Variants in FUBP1 observed in about 807,000 individuals in gnomAD.
The protein encoded by FUBP1 is far upstream element binding protein 1.
Under a neutral mutation model 94.9 loss-of-function variants are expected in FUBP1, and 16 were observed. The ratio of observed to expected loss-of-function variants is 0.17; its 90% CI spans 0.11 to 0.26. The LOEUF (loss-of-function observed/expected upper bound fraction) is 0.26. Ranked by LOEUF, FUBP1 falls within the 10% of genes least tolerant of loss-of-function variation. FUBP1 has a pLI of 1.00. For missense variants in FUBP1, 583 were observed against 808.6 expected, an observed-to-expected ratio of 0.72 and a Z score of 3.38; for synonymous variants, 279 against 254.9, an observed-to-expected ratio of 1.09 and a Z score of -0.90.
intron 10 of FUBP1, 58 bp from the exon 11 acceptor site, chr1:77,964,414 A>G: frequency 9.1e-7 from 1 of 1,102,772 alleles, no homozygotes; most frequent in Non-Finnish European, 1.3e-6. Flanking sequence ...TAAAGTAAAA[A>G]AAAGTATTTT....
chr1:77,946,759 A>G lies in FUBP1; in HGVS notation c.*2007T>C, dbSNP rs748757095. On this transcript the variant is annotated 3_prime_UTR_variant, in exon 20 of 20. Transcript: ENST00000370768. ...CATCTATAAAACAGTATCATGCAAA[A>G]TACTGCAATTGTTCACGTCAATACC... The G allele has an allele frequency of 7.7e-5, 16 of 207,366 alleles. No homozygotes were observed. The highest frequency in any genetic ancestry group is 3.7e-4 in the South Asian group (2 of 5,336). The allele number at this position is 207,366 out of a possible 1,614,324, so 12.8% of individuals were successfully genotyped here.
rs1295064610 is a variant in FUBP1, at chr1:77,950,828, C to T, written c.1781-1528G>A. Among the ~76,000 whole-genome samples, 4 of 152,104 alleles carry T rather than the reference C, an allele frequency of 2.6e-5. No individual in the cohort carries two copies. The East Asian group carries it at 5.8e-4, about 22-fold the overall frequency. ...TTCATAGTTTCAGAAAGCAGTCTATCACCATTGTAAAACAGGTCACAGACT... is the reference window on the plus strand; with the variant it reads ...TTCATAGTTTCAGAAAGCAGTCTATTACCATTGTAAAACAGGTCACAGACT... On this transcript the variant is annotated intron_variant, in intron 18 of 19. Coordinates refer to ENST00000370768, the MANE Select transcript of FUBP1 (RefSeq NM_003902.5).
chr1:77,974,134 G>GTTTT (rs34146250), intron 1 of FUBP1, among the ~76,000 whole-genome samples: 3 of 122,198 alleles, frequency 2.5e-5, no homozygotes, highest in Non-Finnish European at 3.5e-5. Context: ...TAATTTTTTG[G>GTTTT]TTTTTTTTTT....
Position 77,946,322 on chromosome 1 carries a change from A to G in FUBP1, c.*2444T>C, listed in dbSNP as rs1353326099. 6.6e-6 allele frequency among the ~76,000 whole-genome samples: 1 copy of G among 151,844 alleles called. No individual in the cohort carries two copies. Among genetic ancestry groups the G allele is most frequent in the Non-Finnish European group, 1.5e-5 (1 of 67,892 alleles). On this transcript the variant is annotated 3_prime_UTR_variant, in exon 20 of 20. Coordinates refer to ENST00000370768, the MANE Select transcript of FUBP1 (RefSeq NM_003902.5). ...ATTTTCTTGTCTTAATAAAAAAAAA[A>G]AAGTAAAATAAAAAACATTACCCAG...
At chr1:77,949,016 C>A (rs992140461) in intron 19 of FUBP1, 139 bp downstream of exon 19, 1 of 944,188 alleles carries the variant, frequency 1.1e-6, no homozygotes, top group Non-Finnish European at 1.6e-6. Flanking sequence ...CCAAACAATA[C>A]ACCGTAGTAC....
At chr1:77,968,654 A>C (rs998312033) in intron 2 of FUBP1, among the ~76,000 whole-genome samples, 9 of 151,810 alleles carry the variant, frequency 5.9e-5, no homozygotes, top group Admixed American at 2.0e-4. Flanking sequence ...AAAAAAAAAA[A>C]ACAAAAAAAC....
chr1:77,972,535 G>C (rs1019493967), intron 1 of FUBP1, among the ~76,000 whole-genome samples: 1 of 149,570 alleles, frequency 6.7e-6, no homozygotes, highest in African/African-American at 2.5e-5. Flanking sequence ...GGGATCATGA[G>C]TTCAGGAGTT....
chr1:77,973,997 A>T (rs1658101060), intron 1 of FUBP1, among the ~76,000 whole-genome samples: 1 of 152,128 alleles, frequency 6.6e-6, no homozygotes, highest in Non-Finnish European at 1.5e-5. Flanking sequence ...ATCATGGCTC[A>T]CTTATGCAAC....
At position 77,967,088 on chromosome 1, in the gene FUBP1, T is replaced by C. The variant is rs1656649941; in HGVS notation, c.304A>G (p.Thr102Ala). The C allele has an allele frequency of 6.4e-7, 1 of 1,571,992 alleles. No homozygotes were observed. The highest frequency in any genetic ancestry group is 1.1e-5 in the South Asian group (1 of 87,130). ...MHQQQSRSVM[T>A]EEYKVPDGMV... ...CCATCTGGAACTTTGTATTCTTCTG[T>C]CATTACAGATCTGCTAAGAAATAAC... Residue 102 changes from threonine (T) to alanine (A), a missense_variant, in exon 5 of 20, where the codon ACA (threonine) becomes GCA (alanine). Coordinates refer to ENST00000370768, the MANE Select transcript of FUBP1 (RefSeq NM_003902.5).
In FUBP1 at chr1:77,964,078, A is replaced by T. The variant is rs772450242; in HGVS notation, c.1025T>A (p.Leu342His). The T allele has an allele frequency of 1.3e-6, 2 of 1,570,474 alleles. No homozygotes were observed. Among genetic ancestry groups the T allele is most frequent in the South Asian group, 1.1e-5 (1 of 90,182 alleles). ...CQHAAEIITD[L>H]LRSVQAGNPG... Reference sequence around the variant, plus strand: ...CTATCAAACCTGAACACTTCGAAGAAGGTCTGTAATAATTTCTGCAGCATG... The same window carrying T: ...CTATCAAACCTGAACACTTCGAAGATGGTCTGTAATAATTTCTGCAGCATG... Residue 342 changes from leucine to histidine, a missense_variant, in exon 12 of 20, where the codon CTT (leucine) becomes CAT (histidine). Transcript: ENST00000370768.
At chr1:77,972,452 A>G (rs1657739665) in intron 1 of FUBP1, among the ~76,000 whole-genome samples, 2 of 152,036 alleles carry the variant, frequency 1.3e-5, no homozygotes, top group Non-Finnish European at 2.9e-5. Context: ...CCAAATGAAA[A>G]TGAAAGCTGA....
intron 1 of FUBP1, among the ~76,000 whole-genome samples, chr1:77,975,305 A>T (rs1370176038): frequency 6.6e-6 from 1 of 152,220 alleles, no homozygotes; most frequent in Non-Finnish European, 1.5e-5. Context: ...GACACTAGAA[A>T]TATTACCATA....
chr1:77,968,400 A>C (rs1656909795), intron 2 of FUBP1, among the ~76,000 whole-genome samples, 197 bp from the exon 3 acceptor site: 1 of 152,122 alleles, frequency 6.6e-6, no homozygotes, highest in African/African-American at 2.4e-5. Flanking sequence ...TTCACGTTCA[A>C]AAGATGCACA....
chr1:77,962,662 T>C, intron 14 of FUBP1, 108 bp downstream of exon 14: 1 of 607,206 alleles, frequency 1.6e-6, no homozygotes, highest in Non-Finnish European at 2.8e-6. Context: ...AATCTATAAA[T>C]GCTGACTAGT....
At chr1:77,960,642 A>ATAATGAGACATGT (rs1460469413) in intron 14 of FUBP1, 147 bp from the exon 15 acceptor site, 4 of 587,102 alleles carry the variant, frequency 6.8e-6, no homozygotes, top group Non-Finnish European at 1.2e-5. Flanking sequence ...TCATTTTGCA[A>ATAATGAGACATGT]AAACTATTTC....
chr1:77,951,149 G>A (rs1465741349), intron 18 of FUBP1, among the ~76,000 whole-genome samples: 2 of 152,158 alleles, frequency 1.3e-5, no homozygotes, highest in African/African-American at 4.8e-5. Context: ...CCTGATCAAG[G>A]TAGCAATCAA....
At chr1:77,956,010 T>C (rs753909859) in intron 17 of FUBP1, among the ~76,000 whole-genome samples, 1 of 152,174 alleles carries the variant, frequency 6.6e-6, no homozygotes, top group Non-Finnish European at 1.5e-5. Context: ...GGCACCACCC[T>C]GAATATACTC....
intron 7 of FUBP1, 75 bp downstream of exon 7, chr1:77,966,619 A>G: frequency 1.3e-6 from 1 of 797,206 alleles, no homozygotes; most frequent in Non-Finnish European, 2.2e-6. Context: ...TAAAGCAGTA[A>G]CAAAGAGAAG....
chr1:77,962,938 CA>C lies in FUBP1; in HGVS notation c.1184-9del. On this transcript the variant is annotated splice_polypyrimidine_tract_variant and intron_variant, in intron 13 of 19. Coordinates refer to ENST00000370768, the MANE Select transcript of FUBP1 (RefSeq NM_003902.5). ...TTTTTATGGTTTCACCTCCTAAAAT[CA>C]AAAGACAGTAATTTCTCTAAAGGTT... The C allele has an allele frequency of 1.2e-6, 2 of 1,605,392 alleles. No homozygotes were observed. The highest frequency in any genetic ancestry group is 1.7e-6 in the Non-Finnish European group (2 of 1,173,686).
Sources: gnomAD v4.1 joint callset for allele counts (sites outside exome capture counted in the v4.1 genomes callset) on GRCh38, gnomAD v4.1.1 for gene constraint, MANE v1.5 for transcripts, NCBI Gene and HGNC (gene_info 2026-07-23, HGNC 2026-07-21) for gene names.